Variants in NUBPL observed in about 807,000 individuals in gnomAD.
NUBPL encodes NUBP iron-sulfur cluster assembly factor, mitochondrial, also known as iron-sulfur cluster transfer protein NUBPL.
Under a neutral mutation model 45.7 loss-of-function variants are expected in NUBPL, and 31 were observed. The ratio of observed to expected loss-of-function variants is 0.68; its 90% CI spans 0.51 to 0.92. NUBPL has a LOEUF of 0.92. Among genes scored for constraint, NUBPL ranks in the 40% least tolerant of loss-of-function variants. The pLI is 0.00. For missense variants in NUBPL, 401 were observed against 398.7 expected, an observed-to-expected ratio of 1.01 and a Z score of -0.05; for synonymous variants, 144 against 140.9, an observed-to-expected ratio of 1.02 and a Z score of -0.15.
At chr14:31,776,394 A>G (rs1165689356) in intron 6 of NUBPL, among the ~76,000 whole-genome samples, 3 of 152,172 alleles carry the variant, frequency 2.0e-5, no homozygotes, top group East Asian at 3.9e-4. Context: ...TTCACACACA[A>G]TGGGAAGCCA....
intron 4 of NUBPL, among the ~76,000 whole-genome samples, chr14:31,661,757 G>C (rs1225289926): frequency 6.6e-6 from 1 of 152,118 alleles, no homozygotes; most frequent in Admixed American, 6.5e-5. Flanking sequence ...GGCCAGGATG[G>C]TCTCAATCTC....
intron 3 of NUBPL, among the ~76,000 whole-genome samples, chr14:31,597,550 A>G (rs1048532349): frequency 6.6e-6 from 1 of 152,170 alleles, no homozygotes; most frequent in African/African-American, 2.4e-5. Context: ...ACACTTAGTT[A>G]TGTTCTTGTT....
At chr14:31,605,262 C>T (rs1171328601) in intron 4 of NUBPL, among the ~76,000 whole-genome samples, 1 of 152,134 alleles carries the variant, frequency 6.6e-6, no homozygotes, top group Non-Finnish European at 1.5e-5. Context: ...ACACATCTCT[C>T]TCTTAGTAGA....
chr14:31,608,756 A>C (rs2034672231), intron 4 of NUBPL, among the ~76,000 whole-genome samples: 1 of 152,138 alleles, frequency 6.6e-6, no homozygotes, highest in Non-Finnish European at 1.5e-5. Flanking sequence ...ATCTGACAGG[A>C]GGCGGAACTC....
At chr14:31,766,889 T>C (rs538216977) in intron 6 of NUBPL, among the ~76,000 whole-genome samples, 1 of 152,116 alleles carries the variant, frequency 6.6e-6, no homozygotes, top group African/African-American at 2.4e-5. Flanking sequence ...CCTCCCAGAT[T>C]ATTTTATGTG....
chr14:31,627,174 G>C (rs1321342138), intron 4 of NUBPL, among the ~76,000 whole-genome samples: 1 of 151,856 alleles, frequency 6.6e-6, no homozygotes, highest in Admixed American at 6.6e-5. Flanking sequence ...AAATGTGGGA[G>C]GAAAAAAGGG....
intron 9 of NUBPL, among the ~76,000 whole-genome samples, chr14:31,848,747 G>A (rs1440726761): frequency 6.6e-6 from 1 of 152,032 alleles, no homozygotes; most frequent in East Asian, 1.9e-4. Context: ...CCCCTTCTTG[G>A]TCTAATCTTC....
In NUBPL at chr14:31,616,498, T is replaced by TA. The variant is rs2034903973; in HGVS notation, c.382+17119_382+17120insA. On this transcript the variant is annotated intron_variant, in intron 4 of 10. Transcript: ENST00000281081. ...CAGCTTTCTGCATATGGCTAGCCAG[T>TA]TTTTTTTTAACACTGTTTATTAAAT... is the stretch of plus-strand genomic sequence containing the variant. Among the ~76,000 whole-genome samples, 4 of 11,644 alleles carry TA rather than the reference T, an allele frequency of 3.4e-4. 1 individual carries two copies. The South Asian group carries it at 0.22, about 647-fold the overall frequency. 7.6% of individuals were successfully genotyped at this position (11,644 alleles called of 152,430 possible).
intron 4 of NUBPL, among the ~76,000 whole-genome samples, chr14:31,650,339 C>T (rs1358937635): frequency 7.4e-6 from 1 of 135,924 alleles, no homozygotes; most frequent in African/African-American, 2.9e-5. Context: ...ACCCAGGCTG[C>T]AGTGCAGTGG....
At chr14:31,767,652 A>G (rs920663531) in intron 6 of NUBPL, among the ~76,000 whole-genome samples, 1 of 152,258 alleles carries the variant, frequency 6.6e-6, no homozygotes, top group African/African-American at 2.4e-5. Flanking sequence ...CAATGAAAGC[A>G]CAAAGTCTTA....
chr14:31,826,587 A>C, intron 7 of NUBPL, 42 bp from the exon 8 acceptor site: 46 of 1,542,064 alleles, frequency 3.0e-5, no homozygotes, highest in Non-Finnish European at 3.9e-5. Context: ...ATTTCTCCAT[A>C]GAGAATTAAA....
At chr14:31,649,169 A>T (rs1834813334) in intron 4 of NUBPL, among the ~76,000 whole-genome samples, 1 of 152,208 alleles carries the variant, frequency 6.6e-6, no homozygotes, top group Non-Finnish European at 1.5e-5. Context: ...AATATGAAAG[A>T]TGTAAAATAA....
intron 6 of NUBPL, among the ~76,000 whole-genome samples, chr14:31,688,592 G>GAAAAAAAA (rs544662104): frequency 2.1e-4 from 16 of 75,698 alleles, no homozygotes; most frequent in East Asian, 5.0e-4. Flanking sequence ...AGAAAAAAAA[G>GAAAAAAAA]AAAAAAAAAA....
chr14:31,579,072 A>T (rs1435671938), intron 3 of NUBPL, among the ~76,000 whole-genome samples: 1 of 152,140 alleles, frequency 6.6e-6, no homozygotes, highest in Non-Finnish European at 1.5e-5. Context: ...TTGCTGTTTC[A>T]CTTTTTTCTG....
intron 6 of NUBPL, among the ~76,000 whole-genome samples, chr14:31,675,589 C>T (rs2036674846): frequency 6.6e-6 from 1 of 152,064 alleles, no homozygotes; most frequent in Non-Finnish European, 1.5e-5. Context: ...AGTTGAAACA[C>T]CTATATAATC....
chr14:31,769,040 A>G (rs2038962215), intron 6 of NUBPL, among the ~76,000 whole-genome samples: 1 of 152,196 alleles, frequency 6.6e-6, no homozygotes. Context: ...AAGGCAAAAA[A>G]GAGGACAGGG....
At chr14:31,784,249 C>T (rs78970756) in intron 6 of NUBPL, among the ~76,000 whole-genome samples, 14 of 152,028 alleles carry the variant, frequency 9.2e-5, no homozygotes, top group Non-Finnish European at 1.3e-4. Flanking sequence ...AGTTACAGTT[C>T]GTTTTCTTTT....
chr14:31,843,353 T>C (rs967583940), intron 8 of NUBPL, among the ~76,000 whole-genome samples: 8 of 152,234 alleles, frequency 5.3e-5, no homozygotes, highest in Non-Finnish European at 1.2e-4. Context: ...CATTAAAAGT[T>C]GACACCTCTC....
rs4981893 is a variant in NUBPL, at chr14:31,725,655, C to T, written c.513+52081C>T. On this transcript the variant is annotated intron_variant, in intron 6 of 10. Coordinates refer to ENST00000281081, the MANE Select transcript of NUBPL (RefSeq NM_025152.3). Reference sequence around the variant, plus strand: ...GTCAGATGTGGAATTTTCCACTTGTCGGGTCATGTCACTGCTCAAAAAATT... The same window carrying T: ...GTCAGATGTGGAATTTTCCACTTGTTGGGTCATGTCACTGCTCAAAAAATT... 2.0e-5 allele frequency among the ~76,000 whole-genome samples: 3 copies of T among 150,922 alleles called. No individual in the cohort carries two copies. In the South Asian group the frequency reaches 6.2e-4, roughly 31 times the overall value.
Sources: gnomAD v4.1 joint callset for allele counts (sites outside exome capture counted in the v4.1 genomes callset) on GRCh38, gnomAD v4.1.1 for gene constraint, MANE v1.5 for transcripts, NCBI Gene and HGNC (gene_info 2026-07-23, HGNC 2026-07-21) for gene names.